Variants in ABCC3 observed in about 807,000 individuals in gnomAD.
ABCC3 encodes ATP binding cassette subfamily C member 3, also known as ATP-binding cassette sub-family C member 3.
In ABCC3, 121 loss-of-function variants were observed where a neutral mutation model predicts 165.3. The ratio of observed to expected loss-of-function variants is 0.73; its 90% confidence interval spans 0.63 to 0.85. The LOEUF is 0.85. Among genes scored for constraint, ABCC3 ranks in the 40% least tolerant of loss-of-function variants. The pLI is 0.00. For synonymous variants in ABCC3, 733 were observed against 810.1 expected, an observed-to-expected ratio of 0.90 and a Z score of 1.62; for missense variants, 1,869 against 1,964.1, an observed-to-expected ratio of 0.95 and a Z score of 0.92.
At chr17:50,682,698 C>T (rs1195685309) in intron 26 of ABCC3, among the ~76,000 whole-genome samples, 2 of 152,166 alleles carry the variant, frequency 1.3e-5, no homozygotes, top group Admixed American at 1.3e-4. Context: ...ACTTCTTGGC[C>T]CCAGCACTCA....
chr17:50,635,162 C>A, intron 1 of ABCC3, 181 bp downstream of exon 1: 1 of 624,546 alleles, frequency 1.6e-6, no homozygotes, highest in South Asian at 3.4e-5. Flanking sequence ...CGCCCGGAGC[C>A]GGGTCCCACG....
intron 26 of ABCC3, among the ~76,000 whole-genome samples, chr17:50,682,517 T>C (rs1336097760): frequency 1.3e-5 from 2 of 152,002 alleles, no homozygotes; most frequent in Admixed American, 6.5e-5. Flanking sequence ...TTTGCCAGTG[T>C]GCTCCAGAAC....
chr17:50,668,899 C>T lies in ABCC3; in HGVS notation c.1917C>T (p.Asp639=). 1 of 1,614,046 alleles carries T rather than the reference C, an allele frequency of 6.2e-7. No individual in the cohort carries two copies. The highest frequency in any genetic ancestry group is 8.5e-7 in the Non-Finnish European group (1 of 1,179,960). ...GTGGCACCTTCACCTGGGCCCAGGA[C>T]CTGCCCCCCACTCTGCACAGGTACC... ...IHSGTFTWAQ[D]LPPTLHSLDI... The change falls in exon 15 of 31, where the codon GAC becomes GAT. Residue 639 remains aspartate, a synonymous_variant. Transcript: ENST00000285238.
At chr17:50,676,619 G>T (rs367642973) in intron 23 of ABCC3, 31 bp downstream of exon 23, 2 of 1,560,794 alleles carry the variant, frequency 1.3e-6, no homozygotes, top group Admixed American at 1.7e-5. Context: ...CAGTGTGGGC[G>T]TGGTGTTATT....
In ABCC3 at chr17:50,663,826, C is replaced by T. The variant is rs569540221; in HGVS notation, c.1144C>T (p.Arg382Cys). ...CATCTTTGTGACTGGGGTGAAGTTT[C>T]GTACTGGGATCATGGGTGTCATCTA... ...HYIFVTGVKF[R>C]TGIMGVIYRK... The change falls in exon 9 of 31, where the codon CGT becomes TGT. Residue 382 changes from arginine to cysteine, a missense_variant. Physicochemically the swap from Arg to Cys is radical, Grantham distance 180 (BLOSUM62 -3). Coordinates refer to ENST00000285238, the MANE Select transcript of ABCC3 (RefSeq NM_003786.4). 10 of 1,614,012 alleles carry T rather than the reference C, an allele frequency of 6.2e-6. No individual in the cohort carries two copies. The highest frequency in any genetic ancestry group is 1.6e-4 in the Middle Eastern group (1 of 6,084).
chr17:50,643,602 A>G (rs1168183063), intron 1 of ABCC3: 3 of 456,214 alleles, frequency 6.6e-6, no homozygotes, highest in African/African-American at 2.0e-5. Flanking sequence ...TGTCAAGGCC[A>G]AGAGTGACGC....
At chr17:50,677,521 GTGT>G (rs1967844818) in intron 23 of ABCC3, among the ~76,000 whole-genome samples, 1 of 152,152 alleles carries the variant, frequency 6.6e-6, no homozygotes, top group African/African-American at 2.4e-5. Context: ...AGGCAGAGCC[GTGT>G]TGTTGTGGGG....
intron 30 of ABCC3, among the ~76,000 whole-genome samples, chr17:50,689,894 G>A (rs1238623302): frequency 6.6e-6 from 1 of 152,190 alleles, no homozygotes; most frequent in Non-Finnish European, 1.5e-5. Flanking sequence ...GACCTTGGAG[G>A]TTGGGAGTTC....
chr17:50,669,078 G>A, intron 15 of ABCC3, 62 bp from the exon 16 acceptor site: 3 of 1,590,918 alleles, frequency 1.9e-6, no homozygotes, highest in South Asian at 2.3e-5. Context: ...TGCAGGTGGA[G>A]GGTTGGAGAC....
intron 1 of ABCC3, among the ~76,000 whole-genome samples, chr17:50,645,212 A>G (rs2146592276): frequency 6.6e-6 from 1 of 151,082 alleles, no homozygotes; most frequent in Admixed American, 6.6e-5. Context: ...AAAAAAAAAA[A>G]AAAAGAAAGA....
rs147250085 is a variant in ABCC3, at chr17:50,647,931, C to T, written c.46-7901C>T. 1.1e-4 allele frequency among the ~76,000 whole-genome samples: 17 copies of T among 152,082 alleles called. No homozygotes were observed. The East Asian group carries it at 2.7e-3, about 24-fold the overall frequency. ...GTGGAAGCCTGTAATCCCAGCTACT[C>T]GGGAGGCTGAGGCAGGAGAATCACC... On this transcript the variant is annotated intron_variant, in intron 1 of 30. Coordinates refer to ENST00000285238, the MANE Select transcript of ABCC3 (RefSeq NM_003786.4).
chr17:50,676,879 T>G (rs12943812), intron 23 of ABCC3, among the ~76,000 whole-genome samples: 45,904 of 104,574 alleles, frequency 0.44, 8,269 homozygotes, highest in South Asian at 0.61. Flanking sequence ...TGTTGGCTTT[T>G]TTTTTTTGGG....
intron 1 of ABCC3, among the ~76,000 whole-genome samples, chr17:50,638,030 T>C (rs1365763011): frequency 6.6e-6 from 1 of 152,208 alleles, no homozygotes; most frequent in Non-Finnish European, 1.5e-5. Flanking sequence ...TGTGAATCCT[T>C]CTCTCTCTCA....
intron 17 of ABCC3, among the ~76,000 whole-genome samples, chr17:50,670,842 G>C (rs1328642874): frequency 6.6e-6 from 1 of 152,184 alleles, no homozygotes; most frequent in Non-Finnish European, 1.5e-5. Flanking sequence ...AAAAGATAGA[G>C]AGAGGCAGAA....
chr17:50,675,568 C>T (rs1967783274), intron 20 of ABCC3, 63 bp from the exon 21 acceptor site: 1 of 1,561,996 alleles, frequency 6.4e-7, no homozygotes, highest in African/African-American at 1.4e-5. Context: ...CCTGACACTC[C>T]CAGCCTCTGT....
intron 29 of ABCC3, 175 bp from the exon 30 acceptor site, chr17:50,687,361 T>C: frequency 1.6e-6 from 1 of 625,916 alleles, no homozygotes; most frequent in Non-Finnish European, 2.8e-6. Flanking sequence ...CCCCTCATTA[T>C]CCCAATGGTG....
In ABCC3 at chr17:50,682,425, T is replaced by TA. The variant is rs376272357; in HGVS notation, c.3808-1172dup. 4.7e-3 allele frequency among the ~76,000 whole-genome samples: 666 copies of TA among 141,302 alleles called. 3 individuals carry two copies. The highest frequency in any genetic ancestry group is 0.016 in the South Asian group (72 of 4,426). The allele number at this position is 141,302 out of a possible 152,430, so 92.7% of individuals were successfully genotyped here. On this transcript the variant is annotated intron_variant, in intron 26 of 30. Transcript: ENST00000285238. ...AATGGCTTTGCATCTTAATCAGAGT[T>TA]AAAAAAAAAAAAAGTCCTTAAAATG...
intron 17 of ABCC3, among the ~76,000 whole-genome samples, chr17:50,672,765 G>C (rs777356673): frequency 2.5e-4 from 38 of 152,140 alleles, no homozygotes; most frequent in Non-Finnish European, 3.8e-4. Context: ...CTAGCTACTC[G>C]GGAGGCTGAG....
intron 17 of ABCC3, among the ~76,000 whole-genome samples, chr17:50,672,752 A>G (rs1967675057): frequency 1.3e-5 from 2 of 152,108 alleles, no homozygotes; most frequent in African/African-American, 4.8e-5. Flanking sequence ...CCTGCAATCA[A>G]TCCTAGCTAC....
Sources: gnomAD v4.1 joint callset for allele counts (sites outside exome capture counted in the v4.1 genomes callset) on GRCh38, gnomAD v4.1.1 for gene constraint, MANE v1.5 for transcripts, NCBI Gene and HGNC (gene_info 2026-07-23, HGNC 2026-07-21) for gene names.